Variants in DGLUCY observed in about 807,000 individuals in gnomAD.
The protein encoded by DGLUCY is D-glutamate cyclase.
Under a neutral mutation model 58.5 loss-of-function variants are expected in DGLUCY, and 58 were observed. That is an observed-to-expected ratio of 0.99 (90% confidence interval 0.80 to 1.23). The LOEUF (loss-of-function observed/expected upper bound fraction) is 1.23. DGLUCY is among the 50% of genes most tolerant of loss of function. DGLUCY has a pLI of 0.00. For synonymous variants in DGLUCY, 325 were observed against 314.1 expected, an observed-to-expected ratio of 1.03 and a Z score of -0.37; for missense variants, 779 against 784.7, an observed-to-expected ratio of 0.99 and a Z score of 0.09.
At chr14:91,196,731 G>A (rs1419079772) in intron 10 of DGLUCY, among the ~76,000 whole-genome samples, 1 of 129,500 alleles carries the variant, frequency 7.7e-6, no homozygotes, top group Non-Finnish European at 1.6e-5. Context: ...CTGATAGAGG[G>A]GAGACATAGC....
At chr14:91,115,286 G>C (rs974301024) in intron 1 of DGLUCY, 1 of 152,808 alleles carries the variant, frequency 6.5e-6, no homozygotes, top group Non-Finnish European at 1.5e-5. Context: ...AAAGAAAGCT[G>C]ACTTGGCTGG....
intron 5 of DGLUCY, 71 bp downstream of exon 5, chr14:91,170,272 G>A: frequency 2.6e-6 from 4 of 1,519,296 alleles, no homozygotes; most frequent in African/African-American, 1.4e-5. Flanking sequence ...ATATTCCTGG[G>A]GTGGGGAGAA....
At chr14:91,097,404 C>T (rs1326101214) in intron 1 of DGLUCY, among the ~76,000 whole-genome samples, 1 of 151,846 alleles carries the variant, frequency 6.6e-6, no homozygotes. Flanking sequence ...TCAAAAAAAA[C>T]AAAAACAAAA....
chr14:91,094,790 C>T (rs1370025409), intron 1 of DGLUCY, among the ~76,000 whole-genome samples: 5 of 151,296 alleles, frequency 3.3e-5, no homozygotes, highest in African/African-American at 1.2e-4. Context: ...GCCATTGCAC[C>T]CTAGCCTGGG....
intron 12 of DGLUCY, among the ~76,000 whole-genome samples, chr14:91,206,012 G>A (rs138302817): frequency 0.019 from 2,804 of 151,468 alleles, 85 homozygotes; most frequent in African/African-American, 0.064. Flanking sequence ...GATAATTTTT[G>A]TATTTTTAGT....
intron 1 of DGLUCY, among the ~76,000 whole-genome samples, chr14:91,085,749 A>G (rs2044206512): frequency 6.6e-6 from 1 of 151,888 alleles, no homozygotes; most frequent in Non-Finnish European, 1.5e-5. Flanking sequence ...TTGTATTTTT[A>G]GTAGAGCTGG....
intron 3 of DGLUCY, among the ~76,000 whole-genome samples, chr14:91,161,810 ATTTTTT>A (rs3028460): frequency 4.7e-5 from 7 of 147,930 alleles, no homozygotes; most frequent in South Asian, 2.1e-4. Context: ...GATTTTTGCC[ATTTTTT>A]TTTTTTTTTT....
chr14:91,122,303 G>T (rs946558024), intron 1 of DGLUCY, among the ~76,000 whole-genome samples: 3 of 151,984 alleles, frequency 2.0e-5, no homozygotes, highest in African/African-American at 7.2e-5. Flanking sequence ...ACAGGTACGT[G>T]CCACCCTGCC....
chr14:91,180,887 A>T (rs1339270268), intron 7 of DGLUCY, among the ~76,000 whole-genome samples: 1 of 152,222 alleles, frequency 6.6e-6, no homozygotes, highest in East Asian at 1.9e-4. Flanking sequence ...CCTGATATCC[A>T]TGGGTTAAAT....
chr14:91,217,048 C>A (rs1886639434), intron 13 of DGLUCY, among the ~76,000 whole-genome samples: 1 of 152,218 alleles, frequency 6.6e-6, no homozygotes, highest in African/African-American at 2.4e-5. Context: ...TAACCCGCCT[C>A]CTCTGGGGCT....
intron 11 of DGLUCY, among the ~76,000 whole-genome samples, chr14:91,201,455 C>A (rs920684720): frequency 6.6e-6 from 1 of 152,064 alleles, no homozygotes; most frequent in Non-Finnish European, 1.5e-5. Flanking sequence ...CATGCCACCA[C>A]GCCCAGCTAA....
intron 1 of DGLUCY, among the ~76,000 whole-genome samples, chr14:91,062,561 ATATATATATATATATAT>A (rs1566925436): frequency 0.17 from 854 of 4,960 alleles, 131 homozygotes; most frequent in African/African-American, 0.33. Flanking sequence ...AAAAAAAAAT[ATATATATATATATATAT>A]ATATATATAT....
chr14:91,181,707 T>A (rs2049181431), intron 8 of DGLUCY, among the ~76,000 whole-genome samples: 1 of 150,480 alleles, frequency 6.6e-6, no homozygotes, highest in South Asian at 2.1e-4. Flanking sequence ...AGAGTCTTAC[T>A]CTATTGCCCA....
chr14:91,115,836 G>T (rs181038972), intron 1 of DGLUCY, among the ~76,000 whole-genome samples: 2 of 152,158 alleles, frequency 1.3e-5, no homozygotes, highest in Admixed American at 6.6e-5. Flanking sequence ...AAAATTTCAC[G>T]CGTTGTGAAA....
chr14:91,068,113 A>ACACACC (rs1471593010), intron 1 of DGLUCY, among the ~76,000 whole-genome samples: 28 of 145,404 alleles, frequency 1.9e-4, no homozygotes, highest in African/African-American at 6.7e-4. Flanking sequence ...ACACACACAC[A>ACACACC]CACCCCTTGC....
intron 13 of DGLUCY, chr14:91,220,442 G>T: frequency 4.4e-6 from 2 of 453,328 alleles, no homozygotes; most frequent in South Asian, 1.5e-5. Context: ...TTTACTTTCA[G>T]TCAGGCTGGG....
intron 1 of DGLUCY, among the ~76,000 whole-genome samples, chr14:91,082,895 AGTCAT>A (rs1247830122): frequency 6.6e-6 from 1 of 152,168 alleles, no homozygotes; most frequent in African/African-American, 2.4e-5. Flanking sequence ...CTGGGATTAC[AGTCAT>A]GCGCAACTAT....
intron 13 of DGLUCY, among the ~76,000 whole-genome samples, chr14:91,217,927 G>C (rs890080324): frequency 6.6e-6 from 1 of 152,116 alleles, no homozygotes; most frequent in Non-Finnish European, 1.5e-5. Flanking sequence ...TGCCTGGATT[G>C]GTGGTGTCAT....
chr14:91,098,079 G>A (rs532333028), intron 1 of DGLUCY, among the ~76,000 whole-genome samples: 1 of 152,292 alleles, frequency 6.6e-6, no homozygotes, highest in African/African-American at 2.4e-5. Context: ...TGCCCCACAG[G>A]CCACCATTAT....
Sources: gnomAD v4.1 joint callset for allele counts (sites outside exome capture counted in the v4.1 genomes callset) on GRCh38, gnomAD v4.1.1 for gene constraint, MANE v1.5 for transcripts, NCBI Gene and HGNC (gene_info 2026-07-23, HGNC 2026-07-21) for gene names.